Variants in SYT1 observed in about 807,000 individuals in gnomAD.
SYT1 encodes synaptotagmin-1.
SYT1 carries 8 observed loss-of-function variants against 44.8 expected under a neutral mutation model. The ratio of observed to expected loss-of-function variants is 0.18; its 90% CI spans 0.10 to 0.32. The LOEUF (loss-of-function observed/expected upper bound fraction) is 0.32, where lower values mean the gene tolerates loss of function less well. Among genes scored for constraint, SYT1 ranks in the 10% least tolerant of loss-of-function variants. The probability of loss-of-function intolerance (pLI) is 1.00; values close to 1 mark genes in which losing one functional copy is unlikely to be tolerated. For missense variants in SYT1, 286 were observed against 509.3 expected, an observed-to-expected ratio of 0.56 and a Z score of 4.22; for synonymous variants, 154 against 188.8, an observed-to-expected ratio of 0.82 and a Z score of 1.51.
intron 3 of SYT1, among the ~76,000 whole-genome samples, chr12:79,066,307 T>C (rs1434926414): frequency 1.3e-5 from 2 of 152,108 alleles, no homozygotes; most frequent in African/African-American, 4.8e-5. Context: ...CCAGAGTCCT[T>C]GTGGGGGCTC....
chr12:79,014,724 G>T (rs1335782582), intron 2 of SYT1, among the ~76,000 whole-genome samples: 1 of 152,214 alleles, frequency 6.6e-6, no homozygotes, highest in African/African-American at 2.4e-5. Context: ...TATACCCAAA[G>T]GACTATAAAT....
intron 2 of SYT1, among the ~76,000 whole-genome samples, chr12:79,011,170 A>T (rs1033666085): frequency 6.6e-6 from 1 of 152,254 alleles, no homozygotes; most frequent in Admixed American, 6.5e-5. Context: ...GGAAGAGACC[A>T]CAGTCTTCAA....
intron 1 of SYT1, among the ~76,000 whole-genome samples, chr12:78,935,613 A>C (rs1396674609): frequency 6.6e-6 from 1 of 152,138 alleles, no homozygotes; most frequent in Non-Finnish European, 1.5e-5. Flanking sequence ...TTATGCTGAG[A>C]ACTAAGAAAA....
intron 5 of SYT1, 105 bp from the exon 6 acceptor site, chr12:79,291,903 T>G (rs1204348901): frequency 7.4e-7 from 1 of 1,345,022 alleles, no homozygotes; most frequent in South Asian, 1.2e-5. Flanking sequence ...TTCCAGCATC[T>G]TAGTGCTTGC....
intron 3 of SYT1, among the ~76,000 whole-genome samples, chr12:79,208,032 A>G (rs1874227466): frequency 6.6e-6 from 1 of 152,128 alleles, no homozygotes. Flanking sequence ...CTTTTAAGCT[A>G]TTTGTTCATT....
At chr12:78,927,565 T>C (rs945681101) in intron 1 of SYT1, among the ~76,000 whole-genome samples, 1 of 152,168 alleles carries the variant, frequency 6.6e-6, no homozygotes, top group Non-Finnish European at 1.5e-5. Flanking sequence ...TGTCTTGAGT[T>C]TGTTTTTAAC....
chr12:78,888,206 C>A (rs2137068583), intron 1 of SYT1, among the ~76,000 whole-genome samples: 1 of 151,658 alleles, frequency 6.6e-6, no homozygotes, highest in African/African-American at 2.4e-5. Flanking sequence ...TAGGTATTGG[C>A]TTTGTTTGTA....
intron 3 of SYT1, among the ~76,000 whole-genome samples, chr12:79,120,142 A>AAT (rs907446289): frequency 3.9e-5 from 6 of 152,114 alleles, no homozygotes; most frequent in Admixed American, 6.6e-5. Flanking sequence ...CTTAGGAAAA[A>AAT]ATATATATAT....
intron 9 of SYT1, among the ~76,000 whole-genome samples, chr12:79,395,778 A>G (rs1884844536): frequency 6.7e-6 from 1 of 150,328 alleles, no homozygotes; most frequent in African/African-American, 2.4e-5. Flanking sequence ...AGCATAATAA[A>G]AGGGGGAAAA....
In SYT1 at chr12:79,320,323, A is replaced by G. The variant is rs542792655; in HGVS notation, c.810+20772A>G. On this transcript the variant is annotated intron_variant, in intron 8 of 10. Transcript: ENST00000261205. ...CATGCTGCATCTTACAAAACCAGAT[A>G]GTTACTAAATGCTTGTCATTTGGTC... 3.3e-5 allele frequency among the ~76,000 whole-genome samples: 5 copies of G among 152,340 alleles called. No individual in the cohort carries two copies. In the South Asian group the frequency reaches 1.0e-3, roughly 32 times the overall value.
At chr12:79,145,298 A>G (rs569554602) in intron 3 of SYT1, among the ~76,000 whole-genome samples, 8 of 152,086 alleles carry the variant, frequency 5.3e-5, no homozygotes, top group Non-Finnish European at 1.2e-4. Flanking sequence ...ATATTTTTCT[A>G]ATTTTATTTA....
intron 3 of SYT1, among the ~76,000 whole-genome samples, chr12:79,199,882 C>G (rs916994046): frequency 6.6e-6 from 1 of 152,092 alleles, no homozygotes; most frequent in Non-Finnish European, 1.5e-5. Context: ...AGAAGATAAT[C>G]ATGATATAAT....
intron 3 of SYT1, among the ~76,000 whole-genome samples, chr12:79,194,281 G>T (rs898091388): frequency 1.3e-5 from 2 of 151,894 alleles, no homozygotes; most frequent in Non-Finnish European, 2.9e-5. Flanking sequence ...AAATATAATT[G>T]TTTTTTACTA....
intron 3 of SYT1, among the ~76,000 whole-genome samples, chr12:79,214,385 T>C (rs1168280295): frequency 6.6e-6 from 1 of 152,206 alleles, no homozygotes; most frequent in Non-Finnish European, 1.5e-5. Context: ...AGGATTGGTT[T>C]GGAAATTATA....
chr12:79,313,935 C>G (rs543024537), intron 8 of SYT1, among the ~76,000 whole-genome samples: 2 of 151,554 alleles, frequency 1.3e-5, no homozygotes, highest in Non-Finnish European at 2.9e-5. Context: ...TTTGGGAGGC[C>G]GAGGCGGGCG....
intron 2 of SYT1, among the ~76,000 whole-genome samples, chr12:78,978,497 A>G (rs541724235): frequency 1.4e-4 from 22 of 152,348 alleles, no homozygotes; most frequent in African/African-American, 5.1e-4. Context: ...CATATGTTAG[A>G]GTACATAATT....
intron 3 of SYT1, among the ~76,000 whole-genome samples, chr12:79,131,052 T>A (rs1294184016): frequency 1.3e-5 from 2 of 152,176 alleles, no homozygotes; most frequent in Non-Finnish European, 2.9e-5. Context: ...TTCTTTCTGC[T>A]ACTCAATTTC....
In SYT1 at chr12:79,064,972, G is replaced by GAA. The variant is rs1191624097; in HGVS notation, c.-18+17612_-18+17613dup. 4.0e-5 allele frequency among the ~76,000 whole-genome samples: 6 copies of GAA among 148,214 alleles called. No homozygotes were observed. In the South Asian group the frequency reaches 1.1e-3, roughly 28 times the overall value. ...AGAAAGAAAGAAAGAAAGAAAGAAA[G>GAA]AAAGAAAGAAAGAAAGAAAGAAAGA... is the stretch of plus-strand genomic sequence containing the variant. On this transcript the variant is annotated intron_variant, in intron 3 of 10. Coordinates refer to ENST00000261205, the MANE Select transcript of SYT1 (RefSeq NM_005639.3).
intron 9 of SYT1, among the ~76,000 whole-genome samples, chr12:79,379,927 G>T (rs969824199): frequency 6.6e-6 from 1 of 152,100 alleles, no homozygotes; most frequent in African/African-American, 2.4e-5. Flanking sequence ...TAAATAATTT[G>T]CTGAAGGTTA....
Sources: allele counts gnomAD v4.1 joint callset (sites outside exome capture counted in the v4.1 genomes callset), GRCh38; gene constraint gnomAD v4.1.1; transcripts MANE v1.5; gene names NCBI Gene and HGNC (gene_info 2026-07-23, HGNC 2026-07-21).